GPM6A: variants seen among roughly 807,000 people sequenced by gnomAD.
GPM6A encodes neuronal membrane glycoprotein M6-a.
In GPM6A, 7 loss-of-function variants were observed where a neutral mutation model predicts 32.1. That is an observed-to-expected ratio of 0.22 (90% CI 0.12 to 0.41). The LOEUF is 0.41. Among genes scored for constraint, GPM6A ranks in the 10% least tolerant of loss-of-function variants. The pLI, the probability that GPM6A is intolerant of heterozygous loss-of-function variation, is 1.00. For synonymous variants in GPM6A, 130 were observed against 123.4 expected (o/e 1.05, Z -0.35); for missense variants, 235 against 347.2 (o/e 0.68, Z 2.57).
rs867257496 is a variant in GPM6A, at chr4:175,637,228, A to T, written c.685-2171T>A. Among the ~76,000 whole-genome samples, 87 of 35,378 alleles carry T rather than the reference A, an allele frequency of 2.5e-3. No homozygotes were observed. In the East Asian group the frequency reaches 0.035, roughly 14 times the overall value. The allele number at this position is 35,378 out of a possible 152,430, so 23.2% of individuals were successfully genotyped here. On this transcript the variant is annotated intron_variant, in intron 6 of 6. Coordinates refer to ENST00000393658, the MANE Select transcript of GPM6A (RefSeq NM_201591.3). ...GACATAATATATCATATATAATATA[A>T]AATATATATTATATATTATATATAA...
At chr4:175,972,869 A>G (rs1740550227) in intron 1 of GPM6A, among the ~76,000 whole-genome samples, 1 of 152,158 alleles carries the variant, frequency 6.6e-6, no homozygotes, top group South Asian at 2.1e-4. Flanking sequence ...GAGCAGTTAT[A>G]TCTATTATCT....
chr4:175,984,957 T>C (rs1445707713), intron 1 of GPM6A, among the ~76,000 whole-genome samples: 1 of 152,216 alleles, frequency 6.6e-6, no homozygotes, highest in Non-Finnish European at 1.5e-5. Flanking sequence ...GTTATAGTCA[T>C]CTATGTATTT....
chr4:175,637,632 T>TAAA (rs70962410), intron 6 of GPM6A, among the ~76,000 whole-genome samples: 1 of 64,458 alleles, frequency 1.6e-5, no homozygotes, highest in Non-Finnish European at 2.9e-5. Context: ...ATATTATATA[T>TAAA]ATATTATATA....
chr4:175,636,293 T>TATATATATAC (rs1740603461), intron 6 of GPM6A, among the ~76,000 whole-genome samples: 1 of 130,892 alleles, frequency 7.6e-6, no homozygotes, highest in Non-Finnish European at 1.6e-5. Context: ...TATATATATA[T>TATATATATAC]ATATACATAT....
At chr4:175,964,103 A>AG (rs1561014077) in intron 1 of GPM6A, among the ~76,000 whole-genome samples, 1 of 152,000 alleles carries the variant, frequency 6.6e-6, no homozygotes. Context: ...AGACAAAAAA[A>AG]AGAGAGAGAG....
intron 1 of GPM6A, among the ~76,000 whole-genome samples, chr4:175,721,335 G>C (rs1053137212): frequency 7.9e-5 from 12 of 151,616 alleles, no homozygotes; most frequent in African/African-American, 2.7e-4. Flanking sequence ...AATTAGCCGA[G>C]TGTGGTGGTG....
At chr4:175,992,666 T>C (rs1448006479) in intron 1 of GPM6A, among the ~76,000 whole-genome samples, 1 of 152,188 alleles carries the variant, frequency 6.6e-6, no homozygotes, top group East Asian at 1.9e-4. Context: ...ATATGCTTCA[T>C]CTCTGTTGAT....
intron 1 of GPM6A, among the ~76,000 whole-genome samples, chr4:175,951,720 G>A (rs1017222140): frequency 2.0e-5 from 3 of 152,284 alleles, no homozygotes; most frequent in African/African-American, 7.2e-5. Flanking sequence ...ACAAGTCAAG[G>A]CTTCTTCACA....
chr4:175,722,471 A>G (rs1379669160), intron 1 of GPM6A, among the ~76,000 whole-genome samples: 1 of 152,160 alleles, frequency 6.6e-6, no homozygotes, highest in Admixed American at 6.5e-5. Flanking sequence ...CTCCCGCAGT[A>G]AGATCCATAA....
intron 1 of GPM6A, among the ~76,000 whole-genome samples, chr4:175,954,352 C>T (rs1739915274): frequency 6.6e-6 from 1 of 152,140 alleles, no homozygotes; most frequent in Non-Finnish European, 1.5e-5. Flanking sequence ...GGTGTGGCCC[C>T]CGTGGCTAGG....
At chr4:175,763,382 C>T (rs1732831940) in intron 1 of GPM6A, among the ~76,000 whole-genome samples, 1 of 152,088 alleles carries the variant, frequency 6.6e-6, no homozygotes, top group African/African-American at 2.4e-5. Context: ...AATTAGTTTC[C>T]ATCCTGTGAT....
At chr4:175,772,582 C>G (rs371538252) in intron 1 of GPM6A, among the ~76,000 whole-genome samples, 1 of 152,064 alleles carries the variant, frequency 6.6e-6, no homozygotes, top group African/African-American at 2.4e-5. Context: ...TTTTGAGCCT[C>G]AGGTCTTCCT....
intron 1 of GPM6A, among the ~76,000 whole-genome samples, chr4:175,858,925 T>A (rs974942312): frequency 1.3e-5 from 2 of 152,160 alleles, no homozygotes; most frequent in Admixed American, 1.3e-4. Context: ...CACACTACAA[T>A]ATGATGACTC....
intron 2 of GPM6A, among the ~76,000 whole-genome samples, chr4:175,685,081 G>A (rs918841261): frequency 6.6e-6 from 1 of 151,990 alleles, no homozygotes; most frequent in African/African-American, 2.4e-5. Context: ...AGTAGAGACG[G>A]GGTTTCACCA....
intron 1 of GPM6A, among the ~76,000 whole-genome samples, chr4:175,924,629 CAGGGGTTCGAGACCAGCCTGGCCAA>C (rs1738772681): frequency 6.6e-6 from 1 of 152,102 alleles, no homozygotes; most frequent in Non-Finnish European, 1.5e-5. Flanking sequence ...CACCTGAGGT[CAGGGGTTCGAGACCAGCCTGGCCAA>C]AATGGCAAAA....
chr4:175,884,667 G>A (rs866223923), intron 1 of GPM6A, among the ~76,000 whole-genome samples: 1 of 151,860 alleles, frequency 6.6e-6, no homozygotes, highest in African/African-American at 2.4e-5. Flanking sequence ...GAGTAGCTGG[G>A]ACTACCAGTG....
At chr4:175,812,445 A>T, upstream of GPM6A, 5 of 1,278,714 alleles carry the variant, frequency 3.9e-6, no homozygotes, top group Non-Finnish European at 4.9e-6. Context: ...GTGTAATTTC[A>T]TTCAAATTAC....
rs544606894 is a variant in GPM6A, at chr4:175,899,141, C to T, written c.-22-86892G>A. Among the ~76,000 whole-genome samples, 12 of 152,220 alleles carry T rather than the reference C, an allele frequency of 7.9e-5. No homozygotes were observed. In the South Asian group the frequency reaches 2.3e-3, roughly 29 times the overall value. On this transcript the variant is annotated intron_variant, in intron 1 of 7. Coordinates refer to the GPM6A transcript ENST00000280187. ...AATTATTTGCTTCTTCCTCTCCCCT[C>T]TATTGCACAGAATTCATGTTTCTAC...
chr4:175,645,689 C>T (rs530625709), intron 4 of GPM6A, among the ~76,000 whole-genome samples: 6 of 152,126 alleles, frequency 3.9e-5, no homozygotes, highest in Non-Finnish European at 8.8e-5. Context: ...CCACTGCACT[C>T]CAGCCTGGGC....
Sources: gnomAD v4.1 joint callset for allele counts (sites outside exome capture counted in the v4.1 genomes callset) on GRCh38, gnomAD v4.1.1 for gene constraint, MANE v1.5 for transcripts, NCBI Gene and HGNC (gene_info 2026-07-23, HGNC 2026-07-21) for gene names.